The following ZNF521 variants were observed in gnomAD, a reference collection of about 807,000 sequenced individuals.
The protein encoded by ZNF521 is zinc finger protein 521, also known as LYST-interacting protein 3.
In ZNF521, 14 loss-of-function variants were observed where a neutral mutation model predicts 105.5. The ratio of observed to expected loss-of-function variants is 0.13; its 90% CI spans 0.09 to 0.21. The LOEUF (loss-of-function observed/expected upper bound fraction) is 0.21. Ranked by LOEUF, ZNF521 falls within the 10% of genes least tolerant of loss-of-function variation. The pLI is 1.00. For synonymous variants in ZNF521, 635 were observed against 606.0 expected (o/e 1.05, Z -0.70); for missense variants, 1,233 against 1,629.7 (o/e 0.76, Z 4.19).
chr18:25,155,902 C>T (rs969462722), intron 5 of ZNF521, among the ~76,000 whole-genome samples: 1 of 152,110 alleles, frequency 6.6e-6, no homozygotes, highest in African/African-American at 2.4e-5. Flanking sequence ...ATTGAATATT[C>T]TCACTTATAT....
At chr18:25,342,754 T>C (rs977240989) in intron 2 of ZNF521, among the ~76,000 whole-genome samples, 15 of 152,300 alleles carry the variant, frequency 9.8e-5, no homozygotes, top group African/African-American at 3.4e-4. Flanking sequence ...ATAAAAGTAA[T>C]CAATGAAAGA....
rs117950313 is a variant in ZNF521 at position 25,305,312 on chromosome 18, G to A, written c.220+16696C>T. On this transcript the variant is annotated intron_variant, in intron 3 of 7. Transcript: ENST00000361524. ...TAATTTTTGAGCTAATTTATAAAAC[G>A]AGAAATCTTTTAAAACCATTCTAAA... is the stretch of plus-strand genomic sequence containing the variant. Among the ~76,000 whole-genome samples the A allele has an allele frequency of 4.1e-4, 63 of 152,144 alleles. 1 individual carries two copies. The highest frequency in any genetic ancestry group is 6.8e-3 in the Middle Eastern group (2 of 292).
chr18:25,284,825 T>A (rs1910594357), intron 3 of ZNF521, among the ~76,000 whole-genome samples: 1 of 151,922 alleles, frequency 6.6e-6, no homozygotes. Context: ...ATGATGCACC[T>A]AAAAATGAAA....
At chr18:25,254,605 T>C (rs1212302801) in intron 3 of ZNF521, among the ~76,000 whole-genome samples, 1 of 152,044 alleles carries the variant, frequency 6.6e-6, no homozygotes, top group Non-Finnish European at 1.5e-5. Flanking sequence ...CCAACCTGAA[T>C]GAATATGGAG....
chr18:25,275,621 C>T (rs1035286231), intron 3 of ZNF521, among the ~76,000 whole-genome samples: 6 of 152,180 alleles, frequency 3.9e-5, no homozygotes, highest in Admixed American at 1.3e-4. Flanking sequence ...TGACAAGCTA[C>T]TACATTTTCA....
intron 3 of ZNF521, among the ~76,000 whole-genome samples, chr18:25,228,956 C>A (rs1355778891): frequency 2.0e-5 from 3 of 152,044 alleles, no homozygotes; most frequent in Non-Finnish European, 2.9e-5. Flanking sequence ...TTCAAAAAAA[C>A]ACACAAGTAA....
At chr18:25,114,375 T>C (rs111291599) in intron 5 of ZNF521, among the ~76,000 whole-genome samples, 24 of 152,326 alleles carry the variant, frequency 1.6e-4, no homozygotes, top group African/African-American at 5.8e-4. Flanking sequence ...TGCAATTCTT[T>C]AGAGGTCAAA....
At chr18:25,149,660 A>G (rs2035008943) in intron 5 of ZNF521, among the ~76,000 whole-genome samples, 1 of 152,156 alleles carries the variant, frequency 6.6e-6, no homozygotes, top group African/African-American at 2.4e-5. Context: ...AATGCTATAA[A>G]TTTTGTATGA....
Position 25,312,709 on chromosome 18 carries a change from G to C in ZNF521, c.220+9299C>G, listed in dbSNP as rs1314673713. ...GCCTGTAGTCCCAGCTACTCGGGAG[G>C]CTGAGGCAGGAGAATGGCGTGAACC... On this transcript the variant is annotated intron_variant, in intron 3 of 7. Transcript: ENST00000361524. Among the ~76,000 whole-genome samples, 7 of 103,582 alleles carry C rather than the reference G, an allele frequency of 6.8e-5. 3 individuals are homozygous for C. The highest frequency in any genetic ancestry group is 2.6e-4 in the African/African-American group (7 of 27,244). 68.0% of individuals were successfully genotyped at this position (103,582 alleles called of 152,430 possible).
intron 4 of ZNF521, chr18:25,224,109 C>T (rs1451993492): frequency 6.1e-6 from 3 of 490,792 alleles, no homozygotes; most frequent in Non-Finnish European, 7.3e-6. Flanking sequence ...ATAGAGAAGA[C>T]AATATCCTAG....
intron 7 of ZNF521, chr18:25,082,866 A>AT (rs2033532138): frequency 5.9e-6 from 1 of 168,570 alleles, no homozygotes; most frequent in Non-Finnish European, 1.2e-5. Context: ...AAAAAAAAAA[A>AT]AAATTAAGCT....
chr18:25,282,139 T>C (rs1032259189), intron 3 of ZNF521, among the ~76,000 whole-genome samples: 3 of 152,182 alleles, frequency 2.0e-5, no homozygotes, highest in Non-Finnish European at 2.9e-5. Context: ...CTCTGCTCCA[T>C]TTCCTAAACT....
intron 5 of ZNF521, among the ~76,000 whole-genome samples, chr18:25,180,880 T>C (rs925351413): frequency 4.6e-5 from 7 of 152,104 alleles, no homozygotes; most frequent in African/African-American, 1.5e-4. Flanking sequence ...AGCAGCAGCA[T>C]AAATTACTTT....
At chr18:25,324,148 T>C (rs1042487655) in intron 2 of ZNF521, among the ~76,000 whole-genome samples, 21 of 152,306 alleles carry the variant, frequency 1.4e-4, no homozygotes, top group African/African-American at 4.8e-4. Context: ...TCTTGTACTC[T>C]GCCAAGCAGA....
chr18:25,130,819 T>C (rs1184106374), intron 5 of ZNF521, among the ~76,000 whole-genome samples: 1 of 151,970 alleles, frequency 6.6e-6, no homozygotes, highest in Non-Finnish European at 1.5e-5. Flanking sequence ...GGTGCATGCC[T>C]GTAGTCCCAG....
chr18:25,276,041 T>A (rs538423121), intron 3 of ZNF521, among the ~76,000 whole-genome samples: 2 of 152,132 alleles, frequency 1.3e-5, no homozygotes, highest in African/African-American at 2.4e-5. Flanking sequence ...AAGGTAAAAT[T>A]TGAACAGTGA....
chr18:25,252,848 T>C (rs1428994356), intron 3 of ZNF521, among the ~76,000 whole-genome samples: 1 of 152,182 alleles, frequency 6.6e-6, no homozygotes, highest in Non-Finnish European at 1.5e-5. Flanking sequence ...TGCAAGTGCC[T>C]GTGCTTTCTA....
At chr18:25,302,018 A>T (rs1911670615) in intron 3 of ZNF521, 1 of 152,156 alleles carries the variant, frequency 6.6e-6, no homozygotes, top group African/African-American at 2.4e-5. Context: ...AGAGCCAGTA[A>T]ATCACTAAGT....
chr18:25,335,470 G>A (rs1007384174), intron 2 of ZNF521, among the ~76,000 whole-genome samples: 4 of 152,006 alleles, frequency 2.6e-5, no homozygotes, highest in East Asian at 1.9e-4. Flanking sequence ...CTGACCTTTC[G>A]GGAAACTAAA....
Sources: gnomAD v4.1 joint callset for allele counts (sites outside exome capture counted in the v4.1 genomes callset) on GRCh38, gnomAD v4.1.1 for gene constraint, MANE v1.5 for transcripts, NCBI Gene and HGNC (gene_info 2026-07-23, HGNC 2026-07-21) for gene names.